Variants in BCHE observed in about 807,000 individuals in gnomAD.
The protein encoded by BCHE is cholinesterase.
Under a neutral mutation model 51.3 loss-of-function variants are expected in BCHE, and 48 were observed. That is an observed-to-expected ratio of 0.94 (90% confidence interval 0.74 to 1.19). The LOEUF (loss-of-function observed/expected upper bound fraction) is 1.19. Among genes scored for constraint, BCHE ranks in the 50% most tolerant of loss-of-function variants. The pLI is 0.00. For missense variants in BCHE, 847 were observed against 708.2 expected (o/e 1.20, Z -2.23); for synonymous variants, 251 against 238.0 (o/e 1.05, Z -0.50).
intron 2 of BCHE, among the ~76,000 whole-genome samples, chr3:165,817,083 G>A (rs761736912): frequency 2.0e-5 from 3 of 152,026 alleles, no homozygotes; most frequent in Non-Finnish European, 4.4e-5. Flanking sequence ...TCCAATAGTT[G>A]TTAATATCTC....
intron 2 of BCHE, among the ~76,000 whole-genome samples, chr3:165,790,653 G>T (rs6807910): frequency 0.079 from 12,075 of 152,210 alleles, 724 homozygotes; most frequent in African/African-American, 0.17. Context: ...AAGACTGGAA[G>T]ATTAAACTTG....
chr3:165,830,164 C>A lies in BCHE; in HGVS notation c.870G>T (p.Lys290Asn), dbSNP rs759053642. 6.2e-7 allele frequency: 1 copy of A among 1,613,830 alleles called. No individual in the cohort carries two copies. The highest frequency in any genetic ancestry group is 1.3e-5 in the African/African-American group (1 of 74,914). ...CSRENETEII[K>N]CLRNKDPQEI... ...CTTGGGGATCTTTATTTCTAAGACA[C>A]TTGATTATTTCAGTCTCATTCTCTC... The change falls in exon 2 of 4, where the codon AAG becomes AAT. Residue 290 changes from lysine (K) to asparagine (N), a missense_variant. Transcript: ENST00000264381.
chr3:165,774,122 GT>G (rs1712365405), intron 3 of BCHE, among the ~76,000 whole-genome samples: 1 of 151,804 alleles, frequency 6.6e-6, no homozygotes, highest in African/African-American at 2.4e-5. Flanking sequence ...ATATTATATT[GT>G]TTAAGGAATA....
chr3:165,802,632 T>TG (rs1328923899), intron 2 of BCHE, among the ~76,000 whole-genome samples: 1 of 152,110 alleles, frequency 6.6e-6, no homozygotes, highest in Non-Finnish European at 1.5e-5. Context: ...AAATTTGTTT[T>TG]TTTTTTTTTG....
chr3:165,805,539 C>A (rs759416669), intron 2 of BCHE, among the ~76,000 whole-genome samples: 4 of 152,054 alleles, frequency 2.6e-5, no homozygotes, highest in Non-Finnish European at 5.9e-5. Context: ...TATTTTAATT[C>A]TTTAGCATAT....
At chr3:165,810,474 T>C (rs1349079390) in intron 2 of BCHE, among the ~76,000 whole-genome samples, 1 of 152,204 alleles carries the variant, frequency 6.6e-6, no homozygotes, top group African/African-American at 2.4e-5. Context: ...CATGGATTCA[T>C]CACTTAACAT....
intron 2 of BCHE, among the ~76,000 whole-genome samples, chr3:165,812,739 G>C (rs1176803784): frequency 6.6e-6 from 1 of 151,870 alleles, no homozygotes; most frequent in African/African-American, 2.4e-5. Flanking sequence ...AATGAAAAAG[G>C]CTTCAATATT....
chr3:165,781,195 G>A (rs1177217610), intron 3 of BCHE, among the ~76,000 whole-genome samples: 2 of 152,080 alleles, frequency 1.3e-5, no homozygotes, highest in Non-Finnish European at 2.9e-5. Context: ...AGGTTGTGGT[G>A]AGCCAAGATC....
At chr3:165,829,491 G>A in intron 2 of BCHE, 26 bp downstream of exon 2, 1 of 1,587,842 alleles carries the variant, frequency 6.3e-7, no homozygotes, top group Non-Finnish European at 8.6e-7. Flanking sequence ...CCAAGCCAGA[G>A]AACAATGACA....
At chr3:165,782,811 C>A (rs1426077222) in intron 3 of BCHE, among the ~76,000 whole-genome samples, 1 of 152,102 alleles carries the variant, frequency 6.6e-6, no homozygotes, top group Non-Finnish European at 1.5e-5. Context: ...TCATAGATGG[C>A]AGTCTCATTG....
intron 2 of BCHE, among the ~76,000 whole-genome samples, chr3:165,818,467 C>T (rs180751326): frequency 4.6e-5 from 7 of 151,922 alleles, no homozygotes; most frequent in Non-Finnish European, 5.9e-5. Flanking sequence ...GAAAAATTAA[C>T]CCACAAAAAT....
intron 2 of BCHE, among the ~76,000 whole-genome samples, chr3:165,822,015 T>C (rs1428841498): frequency 6.6e-6 from 1 of 151,978 alleles, no homozygotes; most frequent in Admixed American, 6.6e-5. Context: ...ATAAATAAAA[T>C]ATTATGATAT....
chr3:165,818,655 G>A (rs1714394956), intron 2 of BCHE, among the ~76,000 whole-genome samples: 1 of 152,024 alleles, frequency 6.6e-6, no homozygotes, highest in Non-Finnish European at 1.5e-5. Context: ...GAAACATCTA[G>A]TAAATGGAAA....
At chr3:165,796,981 G>T (rs1713402209) in intron 2 of BCHE, among the ~76,000 whole-genome samples, 2 of 151,986 alleles carry the variant, frequency 1.3e-5, no homozygotes, top group African/African-American at 2.4e-5. Context: ...TGGATATAAA[G>T]GTTTGCATAA....
intron 2 of BCHE, among the ~76,000 whole-genome samples, chr3:165,818,325 G>T (rs549222039): frequency 7.2e-5 from 11 of 152,050 alleles, no homozygotes; most frequent in Non-Finnish European, 1.6e-4. Flanking sequence ...ACTTCATAAG[G>T]AGGATGAGAC....
intron 2 of BCHE, among the ~76,000 whole-genome samples, chr3:165,793,066 C>T (rs889996435): frequency 1.3e-4 from 19 of 151,948 alleles, no homozygotes; most frequent in African/African-American, 4.6e-4. Flanking sequence ...GTTTTGTTAC[C>T]TGTGCTTTTA....
intron 1 of BCHE, among the ~76,000 whole-genome samples, 161 bp from the exon 2 acceptor site, chr3:165,831,202 C>G (rs941854501): frequency 3.3e-5 from 5 of 150,762 alleles, no homozygotes; most frequent in African/African-American, 1.2e-4. Flanking sequence ...AAATAGAAAA[C>G]AGAGATATTT....
chr3:165,806,317 A>C (rs1200463779), intron 2 of BCHE, among the ~76,000 whole-genome samples: 1 of 151,970 alleles, frequency 6.6e-6, no homozygotes, highest in Admixed American at 6.6e-5. Flanking sequence ...TCTTACCCCA[A>C]AACTTTTTAT....
chr3:165,792,710 A>T (rs111889939), intron 2 of BCHE, among the ~76,000 whole-genome samples: 3,426 of 152,326 alleles, frequency 0.022, 77 homozygotes, highest in African/African-American at 0.055. Flanking sequence ...ATTTGTATGT[A>T]TCACCATTTT....
Sources: gnomAD v4.1 joint callset for allele counts (sites outside exome capture counted in the v4.1 genomes callset) on GRCh38, gnomAD v4.1.1 for gene constraint, MANE v1.5 for transcripts, NCBI Gene and HGNC (gene_info 2026-07-23, HGNC 2026-07-21) for gene names.